Variants in APBB2 observed in about 807,000 individuals in gnomAD.
APBB2 encodes the protein amyloid beta precursor protein binding family B member 2.
APBB2 carries 38 observed loss-of-function variants against 82.5 expected under a neutral mutation model. The observed-to-expected ratio is 0.46, with a 90% CI of 0.36 to 0.60. The LOEUF (loss-of-function observed/expected upper bound fraction) is 0.60, where lower values mean the gene tolerates loss of function less well. Among genes scored for constraint, APBB2 ranks in the 20% least tolerant of loss-of-function variants. The pLI, the probability that APBB2 is intolerant of heterozygous loss-of-function variation, is 0.00. For synonymous variants in APBB2, 341 were observed against 368.2 expected (o/e 0.93, Z 0.85); for missense variants, 772 against 972.3 (o/e 0.79, Z 2.74).
rs549330489 is a variant in APBB2, at chr4:41,186,746, A to C, written c.-417+27659T>G. On this transcript the variant is annotated intron_variant, in intron 1 of 17. Transcript: ENST00000508593. ...GAGTAAAAAATGCATTTAATACAGCACTATTATTATTACTAACTACAACTA... is the reference window on the plus strand; with the variant it reads ...GAGTAAAAAATGCATTTAATACAGCCCTATTATTATTACTAACTACAACTA... Among the ~76,000 whole-genome samples the C allele has an allele frequency of 9.3e-4, 142 of 152,314 alleles. 1 individual carries two copies. The highest frequency in any genetic ancestry group is 3.3e-3 in the African/African-American group (139 of 41,554).
At chr4:41,150,029 G>A (rs1761835441) in intron 1 of APBB2, among the ~76,000 whole-genome samples, 1 of 152,062 alleles carries the variant, frequency 6.6e-6, no homozygotes, top group African/African-American at 2.4e-5. Context: ...GTATGAAAAT[G>A]GACTAATACA....
In APBB2 at chr4:41,153,323, T is replaced by A. The variant is rs1000348729; in HGVS notation, c.-416-10181A>T. On this transcript the variant is annotated intron_variant, in intron 1 of 17. Coordinates refer to ENST00000508593, the MANE Select transcript of APBB2 (RefSeq NM_004307.2). The stretch of plus-strand genomic sequence containing the variant: ...AATATAATGCTTTAGTGGAAAAGTG[T>A]GTTATTCAGTCTACCGTACTGCTAG... 2.0e-5 allele frequency among the ~76,000 whole-genome samples: 3 copies of A among 152,320 alleles called. No individual in the cohort carries two copies. In the South Asian group the frequency reaches 6.2e-4, roughly 32 times the overall value.
At position 41,014,142 on chromosome 4, in the gene APBB2, A is replaced by C. The variant is rs768720295; in HGVS notation, c.276T>G (p.Asn92Lys). ...TCACCAGCTTGATGTTGGCAGAGCC[A>C]TTTCCCAGCAGGGGCTGTGCAGCTG... ...SDPAAQPLLGNGSANIKLVKN... is the reference protein window; with the variant it reads ...SDPAAQPLLGKGSANIKLVKN... Residue 92 changes from asparagine (N) to lysine (K), a missense_variant, in exon 6 of 18, where the codon AAT (asparagine) becomes AAG (lysine). Physicochemically the swap from Asn to Lys is moderately conservative, Grantham distance 94. Coordinates refer to ENST00000508593, the MANE Select transcript of APBB2 (RefSeq NM_004307.2). The C allele has an allele frequency of 7.4e-6, 12 of 1,614,086 alleles. No homozygotes were observed. In the South Asian group the frequency reaches 1.3e-4, roughly 18 times the overall value.
chr4:41,000,059 A>ATGTGTGTGTGTGTGTGTG (rs1307419146), intron 6 of APBB2, among the ~76,000 whole-genome samples: 22 of 92,968 alleles, frequency 2.4e-4, no homozygotes, highest in East Asian at 9.4e-4. Context: ...ATATGTATAT[A>ATGTGTGTGTGTGTGTGTG]TATGTGTGTA....
intron 1 of APBB2, among the ~76,000 whole-genome samples, chr4:41,184,896 T>C (rs1772452533): frequency 6.6e-6 from 1 of 152,200 alleles, no homozygotes; most frequent in African/African-American, 2.4e-5. Context: ...CTCAGCTTCT[T>C]CCCCTGCACA....
At chr4:40,904,938 A>C (rs543808407) in intron 10 of APBB2, among the ~76,000 whole-genome samples, 1 of 152,104 alleles carries the variant, frequency 6.6e-6, no homozygotes, top group South Asian at 2.1e-4. Flanking sequence ...GACTGTCTAC[A>C]ATACACTGAG....
At chr4:41,087,420 A>G (rs1740149872) in intron 3 of APBB2, among the ~76,000 whole-genome samples, 1 of 152,096 alleles carries the variant, frequency 6.6e-6, no homozygotes, top group Non-Finnish European at 1.5e-5. Context: ...ATACAGAGGA[A>G]CCAATACATA....
chr4:40,965,107 A>G (rs910366850), intron 6 of APBB2, among the ~76,000 whole-genome samples: 2 of 151,816 alleles, frequency 1.3e-5, no homozygotes, highest in African/African-American at 4.8e-5. Context: ...GCGACAGAGC[A>G]AGACTCCATC....
intron 10 of APBB2, among the ~76,000 whole-genome samples, chr4:40,896,967 C>T (rs1431417021): frequency 6.6e-6 from 1 of 152,178 alleles, no homozygotes; most frequent in Non-Finnish European, 1.5e-5. Flanking sequence ...TAATACTCTT[C>T]AAACCAGAAG....
At chr4:41,151,775 T>C (rs1435488768) in intron 1 of APBB2, among the ~76,000 whole-genome samples, 2 of 148,888 alleles carry the variant, frequency 1.3e-5, no homozygotes, top group Non-Finnish European at 3.0e-5. Context: ...ATGGTCTTCT[T>C]TTTTTTTTTT....
chr4:40,863,082 T>C (rs754328472), intron 12 of APBB2, among the ~76,000 whole-genome samples: 2 of 152,166 alleles, frequency 1.3e-5, no homozygotes, highest in African/African-American at 2.4e-5. Flanking sequence ...CACTGGAGGA[T>C]GGGATGCTGC....
intron 1 of APBB2, among the ~76,000 whole-genome samples, chr4:41,212,885 G>A (rs991223969): frequency 1.3e-5 from 2 of 152,162 alleles, no homozygotes; most frequent in African/African-American, 4.8e-5. Flanking sequence ...CTAGGATGTT[G>A]CAAGTTATGA....
intron 1 of APBB2, among the ~76,000 whole-genome samples, chr4:41,144,268 T>C (rs926162302): frequency 6.6e-6 from 1 of 152,194 alleles, no homozygotes; most frequent in Non-Finnish European, 1.5e-5. Context: ...CTACCTTCAG[T>C]TGAAACCTCA....
intron 5 of APBB2, among the ~76,000 whole-genome samples, chr4:41,020,173 A>G (rs1250116660): frequency 6.6e-6 from 1 of 152,256 alleles, no homozygotes; most frequent in African/African-American, 2.4e-5. Flanking sequence ...ACACTCCAAT[A>G]CCACCTTGTT....
chr4:40,853,289 T>C (rs985723656), intron 12 of APBB2, among the ~76,000 whole-genome samples: 1 of 152,176 alleles, frequency 6.6e-6, no homozygotes, highest in African/African-American at 2.4e-5. Flanking sequence ...AACTAGATCA[T>C]GGCATTCCCC....
intron 1 of APBB2, among the ~76,000 whole-genome samples, chr4:41,151,227 C>G (rs551949347): frequency 2.0e-5 from 3 of 152,218 alleles, no homozygotes; most frequent in African/African-American, 7.2e-5. Flanking sequence ...ACAAAGATGC[C>G]ATCTTACAGT....
chr4:40,891,541 G>T (rs1248784834), intron 11 of APBB2, among the ~76,000 whole-genome samples: 1 of 152,176 alleles, frequency 6.6e-6, no homozygotes, highest in Admixed American at 6.5e-5. Flanking sequence ...TGATGTTTTA[G>T]TTTCCTACCA....
chr4:40,929,082 G>C (rs1783433951), intron 10 of APBB2, among the ~76,000 whole-genome samples: 1 of 146,530 alleles, frequency 6.8e-6, no homozygotes, highest in South Asian at 2.1e-4. Flanking sequence ...TAATTTCTTT[G>C]TTTGTACTGT....
chr4:41,108,121 T>C (rs943163544), intron 2 of APBB2, among the ~76,000 whole-genome samples: 1 of 152,182 alleles, frequency 6.6e-6, no homozygotes, highest in Non-Finnish European at 1.5e-5. Context: ...AAACATGTTT[T>C]AAGTGTGTGC....
Sources: allele counts gnomAD v4.1 joint callset (sites outside exome capture counted in the v4.1 genomes callset), GRCh38; gene constraint gnomAD v4.1.1; transcripts MANE v1.5; gene names NCBI Gene and HGNC (gene_info 2026-07-23, HGNC 2026-07-21).